The following GEM variants were observed in gnomAD, a reference collection of about 807,000 sequenced individuals.
The protein encoded by GEM is GTP binding protein overexpressed in skeletal muscle.
Under a neutral mutation model 33.0 loss-of-function variants are expected in GEM, and 31 were observed. The observed-to-expected ratio is 0.94, with a 90% CI of 0.71 to 1.27. The LOEUF is 1.27. Among genes scored for constraint, GEM ranks in the 50% most tolerant of loss-of-function variants. The probability of loss-of-function intolerance (pLI) is 0.00; values close to 1 mark genes in which losing one functional copy is unlikely to be tolerated. For synonymous variants in GEM, 141 were observed against 143.7 expected (o/e 0.98, Z 0.13); for missense variants, 354 against 390.5 (o/e 0.91, Z 0.79).
rs542542829 is a variant in GEM at position 94,260,464 on chromosome 8, C to T, written c.40G>A (p.Gly14Ser). The T allele has an allele frequency of 8.1e-6, 13 of 1,611,474 alleles. No homozygotes were observed. In the East Asian group the frequency reaches 2.0e-4, roughly 25 times the overall value. ...CAGCGCTGCTGCTGTGGCTGCATGC[C>T]CACAGTGCCCTGGCGCATGGTGACA... The part of the protein sequence containing the change: ...NNVTMRQGTV[G>S]MQPQQQRWSI... Residue 14 changes from glycine to serine, a missense_variant, in exon 2 of 5, where the codon GGC becomes AGC. Physicochemically the swap from Gly to Ser is moderately conservative, Grantham distance 56 (BLOSUM62 0). Transcript: ENST00000297596.
At chr8:94,257,056 G>T (rs375511976) in intron 2 of GEM, among the ~76,000 whole-genome samples, 8 of 152,252 alleles carry the variant, frequency 5.3e-5, no homozygotes, top group African/African-American at 1.9e-4. Flanking sequence ...TATATGTGTG[G>T]TGTGCCTTCC....
rs750125754 is a variant in GEM, at chr8:94,250,454, A to T, written c.747T>A (p.Asn249Lys). 6.2e-7 allele frequency: 1 copy of T among 1,614,078 alleles called. No homozygotes were observed. The highest frequency in any genetic ancestry group is 8.5e-7 in the Non-Finnish European group (1 of 1,180,054). Reference sequence around the variant, plus strand: ...TTTTCTGGTAGGCCAGCCGCCGTTCATTCTTCTCCTTGCTGTCCCGCCGAA... The same window carrying T: ...TTTTCTGGTAGGCCAGCCGCCGTTCTTTCTTCTCCTTGCTGTCCCGCCGAA... ...VRLRRDSKEKNERRLAYQKRK... is the reference protein window; with the variant it reads ...VRLRRDSKEKKERRLAYQKRK... Residue 249 changes from asparagine to lysine, a missense_variant, in exon 5 of 5, where the codon AAT becomes AAA. By Grantham distance (94) the Asn-to-Lys change is moderately conservative. Transcript: ENST00000297596.
At chr8:94,250,698 G>C in intron 4 of GEM, 111 bp from the exon 5 acceptor site, 1 of 815,252 alleles carries the variant, frequency 1.2e-6, no homozygotes, top group South Asian at 2.0e-5. Flanking sequence ...ATATGCAGTG[G>C]ATAGAGGATG....
chr8:94,250,800 C>G (rs1449684763), intron 4 of GEM, among the ~76,000 whole-genome samples: 1 of 152,154 alleles, frequency 6.6e-6, no homozygotes, highest in Non-Finnish European at 1.5e-5. Context: ...AGATCTGATC[C>G]CCCATAAATT....
intron 2 of GEM, among the ~76,000 whole-genome samples, chr8:94,257,752 T>C (rs1382636171): frequency 6.6e-6 from 1 of 151,958 alleles, no homozygotes; most frequent in Non-Finnish European, 1.5e-5. Context: ...ATTCAGTGTA[T>C]ACAGAGAGTC....
intron 2 of GEM, among the ~76,000 whole-genome samples, chr8:94,258,084 A>ATCTC (rs140743888): frequency 2.7e-5 from 4 of 149,564 alleles, no homozygotes; most frequent in Middle Eastern, 3.4e-3. Flanking sequence ...CATATTGGGC[A>ATCTC]TCTCTCTCTC....
At chr8:94,259,618 T>C (rs1808972184) in intron 2 of GEM, among the ~76,000 whole-genome samples, 1 of 152,238 alleles carries the variant, frequency 6.6e-6, no homozygotes, top group Admixed American at 6.5e-5. Context: ...GAAAATTGTC[T>C]TGAAAAGCTG....
Position 94,260,305 on chromosome 8 carries a change from T to C in GEM, c.199A>G (p.Ile67Val). 1.2e-6 allele frequency: 2 copies of C among 1,613,916 alleles called. No individual in the cohort carries two copies. The highest frequency in any genetic ancestry group is 1.1e-5 in the South Asian group (1 of 91,076). Residue 67 changes from isoleucine (I) to valine (V), a missense_variant, in exon 2 of 5, where the codon ATC (isoleucine) becomes GTC (valine). By Grantham distance (29) the Ile-to-Val change is conservative. Transcript: ENST00000297596. ...SWSSDSTDSV[I>V]SSESGNTYYR... The stretch of plus-strand genomic sequence containing the variant: ...TAGGTGTTCCCTGACTCAGAGGAGA[T>C]GACTGAGTCTGTGGAGTCAGAGGAC...
chr8:94,250,261 T>A lies in GEM; in HGVS notation c.*49A>T, dbSNP rs1375407880. On this transcript the variant is annotated 3_prime_UTR_variant, in exon 5 of 5. Transcript: ENST00000297596. ...ATCTAATATAGATTATTGGTCCCAA[T>A]GGCCTTCAACAACGGCCATCAAAGG... is the stretch of plus-strand genomic sequence containing the variant. The A allele has an allele frequency of 6.9e-7, 1 of 1,454,980 alleles. No individual in the cohort carries two copies. The highest frequency in any genetic ancestry group is 1.4e-5 in the African/African-American group (1 of 70,914). The allele number at this position is 1,454,980 out of a possible 1,614,324, so 90.1% of individuals were successfully genotyped here.
Position 94,252,111 on chromosome 8 carries a change from T to G in GEM, c.521A>C (p.Gln174Pro), listed in dbSNP as rs201731029. The change falls in exon 4 of 5, where the codon CAG (glutamine) becomes CCG (proline). Residue 174 changes from glutamine to proline, a missense_variant. Transcript: ENST00000297596. ...CTCTGTCTGCCGGGCCCTGCGGAGC[T>G]GGATTCGCAGCTCAGATGCCTTCTC... The part of the protein sequence containing the change: ...SFEKASELRI[Q>P]LRRARQTEDI... 1 of 1,614,010 alleles carries G rather than the reference T, an allele frequency of 6.2e-7. No homozygotes were observed. The highest frequency in any genetic ancestry group is 2.2e-5 in the East Asian group (1 of 44,880).
At chr8:94,252,416 T>A (rs1808797095) in intron 3 of GEM, among the ~76,000 whole-genome samples, 193 bp from the exon 4 acceptor site, 1 of 152,184 alleles carries the variant, frequency 6.6e-6, no homozygotes. Flanking sequence ...GCTGTAAAGA[T>A]TGCTAGCCTG....
chr8:94,261,459 T>A (rs1207760087), intron 1 of GEM, among the ~76,000 whole-genome samples: 1 of 152,142 alleles, frequency 6.6e-6, no homozygotes, highest in African/African-American at 2.4e-5. Flanking sequence ...CAAGAGATCC[T>A]CCACTTCAGC....
chr8:94,260,036 G>A (rs1808980089), intron 2 of GEM, 137 bp downstream of exon 2: 1 of 602,160 alleles, frequency 1.7e-6, no homozygotes, highest in Non-Finnish European at 2.9e-6. Flanking sequence ...CTTTTCTAGA[G>A]ACTCAGCTCC....
At chr8:94,251,971 C>T (rs1280565277) in intron 4 of GEM, 48 bp downstream of exon 4, 18 of 1,380,058 alleles carry the variant, frequency 1.3e-5, no homozygotes, top group East Asian at 2.3e-5. Flanking sequence ...AAGGAAAACA[C>T]ATGTGATCCA....
chr8:94,257,261 A>C (rs1311853473), intron 2 of GEM, among the ~76,000 whole-genome samples: 1 of 151,350 alleles, frequency 6.6e-6, no homozygotes, highest in Non-Finnish European at 1.5e-5. Context: ...ACTCACTGCA[A>C]TCTCCACCTC....
At chr8:94,250,610 A>G (rs1451731751) in intron 4 of GEM, 23 bp from the exon 5 acceptor site, 20 of 1,601,124 alleles carry the variant, frequency 1.2e-5, no homozygotes, top group Non-Finnish European at 1.7e-5. Context: ...GAAAGAGGTC[A>G]GAGGGACTGC....
At chr8:94,259,379 G>A (rs1047635753) in intron 2 of GEM, among the ~76,000 whole-genome samples, 1 of 152,178 alleles carries the variant, frequency 6.6e-6, no homozygotes, top group African/African-American at 2.4e-5. Context: ...TTCTGTAGCT[G>A]CAAATAGGGA....
chr8:94,251,984 G>A (rs1036185019), intron 4 of GEM, 35 bp downstream of exon 4: 39 of 1,469,120 alleles, frequency 2.7e-5, no homozygotes, highest in Middle Eastern at 1.7e-4. Context: ...GTGATCCAGC[G>A]ATTGTTTCTA....
Position 94,260,347 on chromosome 8 carries a change from G to A in GEM, c.157C>T (p.His53Tyr), listed in dbSNP as rs935211262. The A allele has an allele frequency of 1.2e-6, 2 of 1,614,086 alleles. No homozygotes were observed. Among genetic ancestry groups the A allele is most frequent in the Non-Finnish European group, 1.7e-6 (2 of 1,180,042 alleles). ...RNRHSATPED[H>Y]CRRSWSSDST... The stretch of plus-strand genomic sequence containing the variant: ...TCAGAGGACCAGCTTCGGCGGCAGT[G>A]GTCCTCAGGGGTAGCAGAATGGCGG... Residue 53 changes from histidine to tyrosine, a missense_variant, in exon 2 of 5, where the codon CAC becomes TAC. Transcript: ENST00000297596.
Sources: allele counts gnomAD v4.1 joint callset (sites outside exome capture counted in the v4.1 genomes callset), GRCh38; gene constraint gnomAD v4.1.1; transcripts MANE v1.5; gene names NCBI Gene and HGNC (gene_info 2026-07-23, HGNC 2026-07-21).